Variants in CLEC4A observed in about 807,000 individuals in gnomAD.
CLEC4A encodes the protein C-type (calcium dependent, carbohydrate-recognition domain) lectin, superfamily member 6.
CLEC4A carries 27 observed loss-of-function variants against 32.7 expected under a neutral mutation model. That is an observed-to-expected ratio of 0.83 (90% confidence interval 0.61 to 1.14). The LOEUF (loss-of-function observed/expected upper bound fraction) is 1.14, where lower values mean the gene tolerates loss of function less well. CLEC4A is among the 50% of genes most tolerant of loss of function. The pLI, the probability that CLEC4A is intolerant of heterozygous loss-of-function variation, is 0.00. For missense variants in CLEC4A, 253 were observed against 274.6 expected (o/e 0.92, Z 0.55); for synonymous variants, 89 against 93.7 (o/e 0.95, Z 0.29).
intron 3 of CLEC4A, chr12:8,134,504 G>A (rs56245251): frequency 1.9e-6 from 3 of 1,613,854 alleles, no homozygotes; most frequent in South Asian, 1.1e-5. Context: ...CAGAGGGGAC[G>A]GTGCAGGGCT....
At chr12:8,103,355 G>T in the CLEC4A span, among the ~76,000 whole-genome samples, 3 of 119,394 alleles carry the variant, frequency 2.5e-5, no homozygotes, top group African/African-American at 7.8e-5. Flanking sequence ...ACTACTAGTT[G>T]TTTCTTTGTT....
intron 3 of CLEC4A, among the ~76,000 whole-genome samples, chr12:8,133,263 C>G (rs1418883394): frequency 1.3e-5 from 2 of 152,120 alleles, no homozygotes; most frequent in South Asian, 4.2e-4. Flanking sequence ...GTTGGCCAGG[C>G]TGGTCTAGAA....
intron 5 of CLEC4A, 58 bp from the exon 6 acceptor site, chr12:8,138,082 C>G (rs1948157266): frequency 1.2e-5 from 19 of 1,568,370 alleles, no homozygotes; most frequent in Admixed American, 1.8e-5. Flanking sequence ...ACCCCTGTCT[C>G]TAACCCTTTT....
rs1194505686 is a variant in CLEC4A, at chr12:8,131,803, T to C, written c.298+2441T>C. Among the ~76,000 whole-genome samples the C allele has an allele frequency of 9.0e-5, 12 of 133,060 alleles. No individual in the cohort carries two copies. The Admixed American group carries it at 1.1e-3, about 12-fold the overall frequency. 87.3% of individuals were successfully genotyped at this position (133,060 alleles called of 152,430 possible). ...ATAATCATTTAGTTATATCTGCATG[T>C]ACTCATGGAGATATATATATCTATA... On this transcript the variant is annotated intron_variant, in intron 3 of 5. Transcript: ENST00000229332.
chr12:8,117,770 T>C, the CLEC4A span, among the ~76,000 whole-genome samples: 1 of 152,304 alleles, frequency 6.6e-6, no homozygotes, highest in African/African-American at 2.4e-5. Context: ...TGAAAGCAAA[T>C]GCCTGGATTT....
intron 1 of CLEC4A, among the ~76,000 whole-genome samples, chr12:8,124,728 T>C (rs1005318224): frequency 2.0e-5 from 3 of 152,060 alleles, no homozygotes; most frequent in Non-Finnish European, 4.4e-5. Context: ...TTAGGGAAAT[T>C]TTTTCTCCTT....
At position 8,138,528 on chromosome 12, in the gene CLEC4A, G is replaced by C; in HGVS notation, c.*241G>C. On this transcript the variant is annotated 3_prime_UTR_variant, in exon 6 of 6. Transcript: ENST00000229332. ...TGGAGGCCCCCATTGTGCACACATG[G>C]AGAGAACATGAGTCTCTCTTAATTT... The C allele has an allele frequency of 2.8e-6, 1 of 358,898 alleles. No individual in the cohort carries two copies. 22.2% of individuals were successfully genotyped at this position (358,898 alleles called of 1,614,324 possible). A position where few individuals can be genotyped will look rare whatever the true frequency, so the allele number is the denominator to read the frequency against.
At chr12:8,135,047 C>CT (rs1187858911) in intron 3 of CLEC4A, among the ~76,000 whole-genome samples, 2,494 of 8,986 alleles carry the variant, frequency 0.28, 892 homozygotes, top group Admixed American at 0.36. Flanking sequence ...ATTTTATTAT[C>CT]TTTTTTTTTT....
chr12:8,135,067 T>G, intron 3 of CLEC4A, among the ~76,000 whole-genome samples: 1 of 119,774 alleles, frequency 8.3e-6, no homozygotes, highest in African/African-American at 3.0e-5. Context: ...TTTTTTTTTT[T>G]TTGAGACAGG....
the CLEC4A span, among the ~76,000 whole-genome samples, chr12:8,110,877 CTTTTT>C: frequency 2.7e-5 from 4 of 145,480 alleles, no homozygotes; most frequent in East Asian, 8.0e-4. Flanking sequence ...TTTCTAGACA[CTTTTT>C]TTTTTTTTTG....
At chr12:8,113,255 T>C in the CLEC4A span, among the ~76,000 whole-genome samples, 1 of 151,974 alleles carries the variant, frequency 6.6e-6, no homozygotes, top group South Asian at 2.1e-4. Flanking sequence ...CTGAGAATGA[T>C]GGTTACCAGT....
In CLEC4A at chr12:8,138,429, C is replaced by A; in HGVS notation, c.*142C>A. ...CTATTCTACTTATGAGAGAATTGGT[C>A]TGTACATTGACTGATTCACTTTTTC... On this transcript the variant is annotated 3_prime_UTR_variant, in exon 6 of 6. Transcript: ENST00000229332. 1 of 1,006,636 alleles carries A rather than the reference C, an allele frequency of 9.9e-7. No individual in the cohort carries two copies. Among genetic ancestry groups the A allele is most frequent in the Non-Finnish European group, 1.5e-6 (1 of 678,562 alleles). The allele number at this position is 1,006,636 out of a possible 1,614,324, so 62.4% of individuals were successfully genotyped here. A position where few individuals can be genotyped will look rare whatever the true frequency, so the allele number is the denominator to read the frequency against.
the CLEC4A span, among the ~76,000 whole-genome samples, chr12:8,115,249 C>T: frequency 1.3e-5 from 2 of 152,176 alleles, no homozygotes; most frequent in African/African-American, 4.8e-5. Flanking sequence ...TCCTGCCTTT[C>T]AAAATGGCAC....
At chr12:8,106,281 G>T in the CLEC4A span, among the ~76,000 whole-genome samples, 1 of 152,122 alleles carries the variant, frequency 6.6e-6, no homozygotes, top group Non-Finnish European at 1.5e-5. Flanking sequence ...TGCTGTTTTG[G>T]TTATTGTAGC....
At chr12:8,111,921 ATATG>A in the CLEC4A span, among the ~76,000 whole-genome samples, 5,324 of 109,674 alleles carry the variant, frequency 0.049, 171 homozygotes, top group Admixed American at 0.11. Flanking sequence ...GTGAGTGTGT[ATATG>A]TGTGTGTGTG....
intron 3 of CLEC4A, among the ~76,000 whole-genome samples, chr12:8,131,529 C>A (rs375190967): frequency 2.6e-4 from 40 of 152,238 alleles, no homozygotes; most frequent in African/African-American, 9.4e-4. Context: ...CCATTCAGAT[C>A]TTCAATTGAT....
intron 3 of CLEC4A, 133 bp downstream of exon 3, chr12:8,129,495 A>G: frequency 1.5e-6 from 1 of 683,712 alleles, no homozygotes; most frequent in Non-Finnish European, 2.5e-6. Context: ...CTACAAATGT[A>G]CAAATATCTA....
chr12:8,136,724 G>C, intron 4 of CLEC4A, 64 bp from the exon 5 acceptor site: 1 of 946,700 alleles, frequency 1.1e-6, no homozygotes, highest in Non-Finnish European at 1.7e-6. Context: ...TTTCTCTAAG[G>C]TATTAAGAAT....
Position 8,135,802 on chromosome 12 carries a change from A to G in CLEC4A, c.450+66A>G. The G allele has an allele frequency of 5.2e-6, 8 of 1,542,818 alleles. No individual in the cohort carries two copies. In the South Asian group the frequency reaches 8.3e-5, roughly 16 times the overall value. On this transcript the variant is annotated intron_variant, in intron 4 of 5. Transcript: ENST00000229332. ...TCTTTGTATATCTCTCTTGGCTAAGAAGGAGGTTTTTGTTACTTTGGGATA... is the reference window on the plus strand; with the variant it reads ...TCTTTGTATATCTCTCTTGGCTAAGGAGGAGGTTTTTGTTACTTTGGGATA...
Sources: gnomAD v4.1 joint callset for allele counts (sites outside exome capture counted in the v4.1 genomes callset) on GRCh38, gnomAD v4.1.1 for gene constraint, MANE v1.5 for transcripts, NCBI Gene and HGNC (gene_info 2026-07-23, HGNC 2026-07-21) for gene names.